The following RELN variants were observed in gnomAD, a reference collection of about 807,000 sequenced individuals.
The protein encoded by RELN is reelin.
A neutral mutation model predicts 427.6 loss-of-function variants in RELN; 108 were observed. The ratio of observed to expected loss-of-function variants is 0.25; its 90% CI spans 0.22 to 0.30. RELN has a LOEUF of 0.30. Ranked by LOEUF, RELN falls within the 10% of genes least tolerant of loss-of-function variation. The pLI, the probability that RELN is intolerant of heterozygous loss-of-function variation, is 1.00. For synonymous variants in RELN, 1,524 were observed against 1,513.4 expected, an observed-to-expected ratio of 1.01 and a Z score of -0.16; for missense variants, 3,715 against 4,302.8, an observed-to-expected ratio of 0.86 and a Z score of 3.82.
chr7:103,802,646 C>G (rs183687650), intron 3 of RELN, among the ~76,000 whole-genome samples: 2 of 152,150 alleles, frequency 1.3e-5, no homozygotes, highest in Admixed American at 1.3e-4. Flanking sequence ...CATTAAATCC[C>G]TAAGAAAATA....
chr7:103,828,470 T>G (rs998879370), intron 3 of RELN, among the ~76,000 whole-genome samples: 11 of 151,982 alleles, frequency 7.2e-5, no homozygotes, highest in Admixed American at 3.9e-4. Flanking sequence ...ATTGCTTGGT[T>G]TTCATTCTGT....
At chr7:103,517,523 C>T (rs1450787518) in intron 49 of RELN, among the ~76,000 whole-genome samples, 1 of 152,188 alleles carries the variant, frequency 6.6e-6, no homozygotes, top group African/African-American at 2.4e-5. Context: ...TTTTACCCTA[C>T]AGAAACATAA....
At position 103,802,660 on chromosome 7, in the gene RELN, T is replaced by C. The variant is rs144581878; in HGVS notation, c.474-26033A>G. Among the ~76,000 whole-genome samples, 856 of 152,216 alleles carry C rather than the reference T, an allele frequency of 5.6e-3. 4 individuals carry two copies. Among genetic ancestry groups the C allele is most frequent in the African/African-American group, 0.019 (794 of 41,554 alleles). ...GCATTAAATCCCTAAGAAAATAAACTAGACTTCTAAGTACCAATAAAATTG... is the reference window on the plus strand; with the variant it reads ...GCATTAAATCCCTAAGAAAATAAACCAGACTTCTAAGTACCAATAAAATTG... On this transcript the variant is annotated intron_variant, in intron 3 of 64. Transcript: ENST00000428762.
intron 2 of RELN, among the ~76,000 whole-genome samples, chr7:103,872,548 G>C (rs979048138): frequency 8.2e-5 from 11 of 133,428 alleles, no homozygotes; most frequent in African/African-American, 2.9e-4. Context: ...CTTTATAGCG[G>C]CATGATTTAT....
chr7:103,524,499 C>T (rs1341344969), intron 46 of RELN, among the ~76,000 whole-genome samples: 4 of 151,618 alleles, frequency 2.6e-5, no homozygotes, highest in Non-Finnish European at 2.9e-5. Context: ...ATACAACACA[C>T]GTGTTTTCAG....
intron 49 of RELN, among the ~76,000 whole-genome samples, chr7:103,515,758 T>C (rs1488883696): frequency 1.3e-5 from 2 of 152,188 alleles, no homozygotes; most frequent in African/African-American, 4.8e-5. Flanking sequence ...GCCTAGAGTA[T>C]ATGCACTTTG....
chr7:103,704,207 C>T (rs371153617), intron 8 of RELN, among the ~76,000 whole-genome samples: 77 of 152,288 alleles, frequency 5.1e-4, no homozygotes, highest in African/African-American at 1.8e-3. Context: ...CACACTATCA[C>T]GTTGTTTACT....
At chr7:103,676,054 A>C (rs1420828993) in intron 11 of RELN, among the ~76,000 whole-genome samples, 1 of 152,172 alleles carries the variant, frequency 6.6e-6, no homozygotes, top group Non-Finnish European at 1.5e-5. Context: ...TAATTAAACT[A>C]AAGAGTTTCT....
chr7:103,568,268 T>A (rs1830807415), intron 31 of RELN, among the ~76,000 whole-genome samples: 1 of 152,222 alleles, frequency 6.6e-6, no homozygotes, highest in African/African-American at 2.4e-5. Flanking sequence ...TACGGCTAAT[T>A]AATTGCCATG....
intron 42 of RELN, among the ~76,000 whole-genome samples, chr7:103,543,762 A>ACACAT (rs1830224976): frequency 6.6e-6 from 1 of 152,206 alleles, no homozygotes; most frequent in Non-Finnish European, 1.5e-5. Flanking sequence ...GTGGTAAAAT[A>ACACAT]CACATCACAT....
intron 53 of RELN, among the ~76,000 whole-genome samples, chr7:103,498,745 G>A (rs1488541962): frequency 7.9e-5 from 12 of 151,940 alleles, no homozygotes; most frequent in African/African-American, 2.7e-4. Context: ...GCCCACCTCC[G>A]CCTCCCAGAG....
At chr7:103,586,348 G>C (rs1469975691) in intron 28 of RELN, among the ~76,000 whole-genome samples, 2 of 151,992 alleles carry the variant, frequency 1.3e-5, no homozygotes, top group Admixed American at 6.6e-5. Context: ...GGGCGACAGA[G>C]TGAGACTCCA....
chr7:103,742,025 C>G (rs555439214), intron 6 of RELN, among the ~76,000 whole-genome samples: 2 of 152,066 alleles, frequency 1.3e-5, no homozygotes, highest in Non-Finnish European at 2.9e-5. Context: ...CCAGTAGGGG[C>G]GGACTGACAC....
chr7:103,756,660 A>G (rs1203736468), intron 4 of RELN, among the ~76,000 whole-genome samples: 2 of 152,194 alleles, frequency 1.3e-5, no homozygotes, highest in Non-Finnish European at 2.9e-5. Flanking sequence ...GTCCTTTATT[A>G]TAAGTGGTCT....
intron 2 of RELN, among the ~76,000 whole-genome samples, chr7:103,857,680 G>A (rs1032490533): frequency 6.6e-6 from 1 of 152,148 alleles, no homozygotes; most frequent in Non-Finnish European, 1.5e-5. Context: ...TCACAGTCAG[G>A]GAGGCTGAGC....
At chr7:103,720,215 T>G (rs570618712) in intron 8 of RELN, among the ~76,000 whole-genome samples, 133 of 151,150 alleles carry the variant, frequency 8.8e-4, no homozygotes, top group Non-Finnish European at 1.6e-3. Flanking sequence ...TTGAAAGAAC[T>G]GAGAGAGTAT....
At chr7:103,504,878 C>G (rs181210359) in intron 51 of RELN, among the ~76,000 whole-genome samples, 1 of 152,232 alleles carries the variant, frequency 6.6e-6, no homozygotes, top group African/African-American at 2.4e-5. Context: ...CTGGGATGCT[C>G]GAGCTTGGTT....
chr7:103,931,800 G>A (rs1795871695), intron 1 of RELN, among the ~76,000 whole-genome samples: 1 of 152,082 alleles, frequency 6.6e-6, no homozygotes, highest in Non-Finnish European at 1.5e-5. Context: ...CACTGTCCAG[G>A]CAGCACTACA....
chr7:103,700,653 G>A (rs554835964), intron 9 of RELN, among the ~76,000 whole-genome samples: 4 of 152,056 alleles, frequency 2.6e-5, no homozygotes, highest in African/African-American at 9.7e-5. Context: ...AGCTATGATT[G>A]CAAATTTACT....
Sources: gnomAD v4.1 joint callset for allele counts (sites outside exome capture counted in the v4.1 genomes callset) on GRCh38, gnomAD v4.1.1 for gene constraint, MANE v1.5 for transcripts, NCBI Gene and HGNC (gene_info 2026-07-23, HGNC 2026-07-21) for gene names.